Variants in DDC observed in about 807,000 individuals in gnomAD.
DDC encodes the protein dopa decarboxylase, also known as aromatic-L-amino-acid decarboxylase.
DDC carries 43 observed loss-of-function variants against 60.0 expected under a neutral mutation model. That is an observed-to-expected ratio of 0.72 (90% CI 0.56 to 0.92). The LOEUF is 0.92. Among genes scored for constraint, DDC ranks in the 40% least tolerant of loss-of-function variants. DDC has a pLI of 0.00. For synonymous variants in DDC, 232 were observed against 234.6 expected (o/e 0.99, Z 0.10); for missense variants, 573 against 620.2 (o/e 0.92, Z 0.81).
chr7:50,467,822 A>C (rs11575520), intron 12 of DDC, among the ~76,000 whole-genome samples: 1 of 152,048 alleles, frequency 6.6e-6, no homozygotes, highest in African/African-American at 2.4e-5. Context: ...TGGCTGAGCT[A>C]GGATTCTAAG....
At chr7:50,524,281 A>C (rs2153544721) in intron 6 of DDC, among the ~76,000 whole-genome samples, 1 of 152,328 alleles carries the variant, frequency 6.6e-6, no homozygotes, top group East Asian at 1.9e-4. Flanking sequence ...TAGAAAATTC[A>C]ATAGAAATAG....
Position 50,463,288 on chromosome 7 carries a change from C to G in DDC, c.1386G>C (p.Arg462=), listed in dbSNP as rs1025539290. The change falls in exon 14 of 15, where the codon CGG becomes CGC. Residue 462 remains arginine (R), a synonymous_variant. Coordinates refer to ENST00000444124, the MANE Select transcript of DDC (RefSeq NM_001082971.2). ...CCAGCTCTTTGATGTGTTCCCAGGC[C>G]CGCTGCACATGGGCAGATTCCACCG... ...SRTVESAHVQ[R]AWEHIKELAA... is the part of the protein sequence containing the mutation. The G allele has an allele frequency of 6.2e-6, 10 of 1,614,222 alleles. No individual in the cohort carries two copies. Among genetic ancestry groups the G allele is most frequent in the Non-Finnish European group, 8.5e-6 (10 of 1,180,040 alleles).
chr7:50,472,938 G>A (rs1030256451), intron 11 of DDC, among the ~76,000 whole-genome samples: 4 of 152,086 alleles, frequency 2.6e-5, no homozygotes, highest in African/African-American at 9.7e-5. Flanking sequence ...CTTAGGTTTG[G>A]GTTTCCAGCC....
At chr7:50,558,532 A>G (rs1266749501) in intron 1 of DDC, among the ~76,000 whole-genome samples, 1 of 152,198 alleles carries the variant, frequency 6.6e-6, no homozygotes, top group African/African-American at 2.4e-5. Context: ...CCTATTGTCC[A>G]AGAAACCAAA....
intron 11 of DDC, 37 bp from the exon 12 acceptor site, chr7:50,470,208 G>T: frequency 6.9e-7 from 1 of 1,459,244 alleles, no homozygotes; most frequent in Non-Finnish European, 9.6e-7. Context: ...CAGTGAGGAA[G>T]ATATTAAAAG....
Position 50,463,130 on chromosome 7 carries a change from C to T in DDC, c.*18+83G>A, listed in dbSNP as rs539317166. 36 of 1,117,908 alleles carry T rather than the reference C, an allele frequency of 3.2e-5. No homozygotes were observed. In the African/African-American group the frequency reaches 4.5e-4, roughly 14 times the overall value. 69.2% of individuals were successfully genotyped at this position (1,117,908 alleles called of 1,614,324 possible). A position where few individuals can be genotyped will look rare whatever the true frequency, so the allele number is the denominator to read the frequency against. ...GGCAGCATTGAGTGGCCGGGCTGGG[C>T]CTGTAGCTGGGTCTGGACTCCAGGA... On this transcript the variant is annotated intron_variant, in intron 14 of 14. Coordinates refer to ENST00000444124, the MANE Select transcript of DDC (RefSeq NM_001082971.2).
chr7:50,468,061 C>G (rs1420027612), intron 12 of DDC, among the ~76,000 whole-genome samples: 1 of 152,284 alleles, frequency 6.6e-6, no homozygotes, highest in Non-Finnish European at 1.5e-5. Flanking sequence ...AGGCCCGTGC[C>G]TTGCTCATTC....
chr7:50,489,350 A>G (rs2042951352), intron 9 of DDC, among the ~76,000 whole-genome samples: 1 of 152,222 alleles, frequency 6.6e-6, no homozygotes, highest in South Asian at 2.1e-4. Context: ...AAATTCTTCT[A>G]TGAAATAGAA....
chr7:50,498,816 G>C (rs965511783), intron 8 of DDC, among the ~76,000 whole-genome samples: 1 of 152,198 alleles, frequency 6.6e-6, no homozygotes, highest in Non-Finnish European at 1.5e-5. Context: ...TTGCGGGTTG[G>C]TATTTTAAAT....
chr7:50,520,855 G>A, intron 6 of DDC, among the ~76,000 whole-genome samples: 1 of 151,840 alleles, frequency 6.6e-6, no homozygotes. Context: ...TGGAGGTTGT[G>A]CCACTGCATT....
intron 9 of DDC, chr7:50,492,607 T>TC: frequency 2.1e-6 from 2 of 935,140 alleles, no homozygotes; most frequent in Non-Finnish European, 2.7e-6. Context: ...CCATCACCCT[T>TC]CTCTTGTGGC....
At chr7:50,540,099 TA>T in intron 2 of DDC, 71 bp from the exon 3 acceptor site, 6 of 1,221,520 alleles carry the variant, frequency 4.9e-6, no homozygotes, top group Non-Finnish European at 7.1e-6. Context: ...GGGACCCAGG[TA>T]CCCCCATGGC....
intron 1 of DDC, among the ~76,000 whole-genome samples, chr7:50,556,805 C>G (rs2045204534): frequency 6.6e-6 from 1 of 152,204 alleles, no homozygotes; most frequent in South Asian, 2.1e-4. Context: ...TCAAGTGGAG[C>G]TAAGCTTTCA....
At chr7:50,557,418 A>C (rs181020137) in intron 1 of DDC, among the ~76,000 whole-genome samples, 51 of 152,362 alleles carry the variant, frequency 3.3e-4, no homozygotes, top group Admixed American at 3.2e-3. Flanking sequence ...TTCCAAAGAC[A>C]AAAAAGAATG....
At chr7:50,557,474 C>A (rs192034620) in intron 1 of DDC, among the ~76,000 whole-genome samples, 1 of 152,174 alleles carries the variant, frequency 6.6e-6, no homozygotes, top group South Asian at 2.1e-4. Context: ...TAGTCCTGAC[C>A]GTAGACAATT....
intron 1 of DDC, among the ~76,000 whole-genome samples, chr7:50,562,089 C>T (rs537807020): frequency 1.3e-5 from 2 of 152,346 alleles, no homozygotes; most frequent in African/African-American, 4.8e-5. Context: ...GCCATCCATC[C>T]TCTGACTTTA....
At chr7:50,510,793 A>C (rs1227285587) in intron 6 of DDC, among the ~76,000 whole-genome samples, 1 of 151,902 alleles carries the variant, frequency 6.6e-6, no homozygotes, top group South Asian at 2.1e-4. Flanking sequence ...CATCCTGGCT[A>C]ACACGGTAAA....
rs1373396105 is a variant in DDC at position 50,499,004 on chromosome 7, C to G, written c.876+144G>C. 4 of 710,162 alleles carry G rather than the reference C, an allele frequency of 5.6e-6. No homozygotes were observed. In the African/African-American group the frequency reaches 7.0e-5, roughly 12 times the overall value. The allele number at this position is 710,162 out of a possible 1,614,324, so 44.0% of individuals were successfully genotyped here. The stretch of plus-strand genomic sequence containing the variant: ...CTGGGGAAGGCTCTCAGCCCCTATT[C>G]TGAGGAAGTCGGAATTGGTTCAAAC... On this transcript the variant is annotated intron_variant, in intron 8 of 14. Transcript: ENST00000444124.
At chr7:50,473,185 T>C (rs2042570502) in intron 11 of DDC, among the ~76,000 whole-genome samples, 1 of 152,092 alleles carries the variant, frequency 6.6e-6, no homozygotes, top group Admixed American at 6.5e-5. Flanking sequence ...TTGTGGCAGA[T>C]GGAGAGGGTT....
Sources: allele counts gnomAD v4.1 joint callset (sites outside exome capture counted in the v4.1 genomes callset), GRCh38; gene constraint gnomAD v4.1.1; transcripts MANE v1.5; gene names NCBI Gene and HGNC (gene_info 2026-07-23, HGNC 2026-07-21).